The following LRCH2 variants were observed in gnomAD, a reference collection of about 807,000 sequenced individuals.
LRCH2 encodes the protein leucine-rich repeat and calponin homology domain-containing protein 2.
LRCH2 carries 38 observed loss-of-function variants against 68.9 expected under a neutral mutation model. That is an observed-to-expected ratio of 0.55 (90% confidence interval 0.43 to 0.72). The LOEUF is 0.72. Ranked by LOEUF, LRCH2 falls within the 30% of genes least tolerant of loss-of-function variation. The probability of loss-of-function intolerance (pLI) is 0.00; values close to 1 mark genes in which losing one functional copy is unlikely to be tolerated. For synonymous variants in LRCH2, 191 were observed against 208.1 expected, an observed-to-expected ratio of 0.92 and a Z score of 0.71; for missense variants, 528 against 572.9, an observed-to-expected ratio of 0.92 and a Z score of 0.80.
At chrX:115,126,917 G>A in intron 15 of LRCH2, 24 bp from the exon 16 acceptor site, 4 of 915,670 alleles carry the variant, frequency 4.4e-6, no homozygotes, top group East Asian at 3.8e-5. Flanking sequence ...ATAAAAAGAT[G>A]GAAGATGAAA....
chrX:115,133,660 G>A (rs1399050392), intron 14 of LRCH2, among the ~76,000 whole-genome samples: 2 of 111,106 alleles, frequency 1.8e-5, no homozygotes, highest in Non-Finnish European at 3.8e-5. Flanking sequence ...CTGTGATATT[G>A]ATCTTTGATG....
At chrX:115,153,950 A>G (rs1483668700) in intron 12 of LRCH2, among the ~76,000 whole-genome samples, 1 of 111,905 alleles carries the variant, frequency 8.9e-6, no homozygotes, top group East Asian at 2.8e-4. Context: ...TGCAATTAGA[A>G]CGTAGATTGT....
rs782373304 is a variant in LRCH2, at chrX:115,195,717, C to A, written c.350-7347G>T. 4.5e-5 allele frequency among the ~76,000 whole-genome samples: 5 copies of A among 111,588 alleles called. No individual in the cohort carries two copies. In the South Asian group the frequency reaches 1.9e-3, roughly 43 times the overall value. ...TGTCGTGGTCAAGACCGGCTGGGAACTGGCAATGAATCCCTAAGAGAGAGT... is the reference window on the plus strand; with the variant it reads ...TGTCGTGGTCAAGACCGGCTGGGAAATGGCAATGAATCCCTAAGAGAGAGT... On this transcript the variant is annotated intron_variant, in intron 1 of 20. Coordinates refer to ENST00000317135, the MANE Select transcript of LRCH2 (RefSeq NM_020871.4).
At chrX:115,207,481 G>T (rs2072977123) in intron 1 of LRCH2, among the ~76,000 whole-genome samples, 1 of 111,892 alleles carries the variant, frequency 8.9e-6, no homozygotes, top group African/African-American at 3.3e-5. Context: ...TGAGGCTGCA[G>T]TGAGCCATGA....
At chrX:115,143,598 G>T (rs782479845) in intron 14 of LRCH2, among the ~76,000 whole-genome samples, 1 of 111,341 alleles carries the variant, frequency 9.0e-6, no homozygotes, top group Non-Finnish European at 1.9e-5. Context: ...TCAAAAAATT[G>T]AAGAGGAGGG....
intron 14 of LRCH2, among the ~76,000 whole-genome samples, chrX:115,143,434 G>T (rs1287131515): frequency 9.0e-6 from 1 of 111,313 alleles, no homozygotes; most frequent in Non-Finnish European, 1.9e-5. Context: ...GGATCATGAA[G>T]AAATCCAAAA....
chrX:115,119,148 A>C (rs2147341781), intron 20 of LRCH2, among the ~76,000 whole-genome samples: 1 of 110,292 alleles, frequency 9.1e-6, no homozygotes, highest in Non-Finnish European at 1.9e-5. Flanking sequence ...TATTCAACAT[A>C]GTGTTGGAAG....
intron 1 of LRCH2, among the ~76,000 whole-genome samples, chrX:115,223,454 T>TAAAA (rs35094815): frequency 1.9e-5 from 2 of 107,004 alleles, no homozygotes; most frequent in African/African-American, 6.8e-5. Flanking sequence ...ATTTTTTTTT[T>TAAAA]AAAAAAACCT....
At position 115,123,084 on chromosome X, in the gene LRCH2, C is replaced by A; in HGVS notation, c.1958G>T (p.Arg653Leu). Residue 653 changes from arginine to leucine, a missense_variant, in exon 18 of 21, where the codon CGC becomes CTC. Coordinates refer to ENST00000317135, the MANE Select transcript of LRCH2 (RefSeq NM_020871.4). ...TGAAAGAGCAATCTGACTTACGTTG[C>A]GAAGTTGTCGTATTTGCTCTCGCTC... ...REEREQIRQL[R>L]NNLESRLKVI... 8.3e-7 allele frequency: 1 copy of A among 1,205,475 alleles called. No homozygotes were observed. The highest frequency in any genetic ancestry group is 1.7e-5 in the African/African-American group (1 of 57,630).
At chrX:115,146,693 C>T (rs782481380) in intron 14 of LRCH2, among the ~76,000 whole-genome samples, 5 of 110,018 alleles carry the variant, frequency 4.5e-5, no homozygotes, top group Non-Finnish European at 9.5e-5. Flanking sequence ...ATAATCTATA[C>T]GATAGCGGCC....
chrX:115,198,169 C>T (rs1432232102), intron 1 of LRCH2, among the ~76,000 whole-genome samples: 1 of 107,716 alleles, frequency 9.3e-6, no homozygotes, highest in African/African-American at 3.4e-5. Context: ...ATAAAATGAC[C>T]AAACTTACAA....
At chrX:115,129,379 C>T (rs1414315815) in intron 15 of LRCH2, among the ~76,000 whole-genome samples, 1 of 111,132 alleles carries the variant, frequency 9.0e-6, no homozygotes, top group Non-Finnish European at 1.9e-5. Context: ...CCAAGCATAC[C>T]CATACAAAAC....
intron 1 of LRCH2, among the ~76,000 whole-genome samples, chrX:115,228,416 T>C (rs1176255247): frequency 9.0e-6 from 1 of 111,317 alleles, no homozygotes; most frequent in Non-Finnish European, 1.9e-5. Context: ...CTCTGCAGAA[T>C]GGGGAGGTGT....
In LRCH2 at chrX:115,170,323, A is replaced by T. The variant is rs1369848366; in HGVS notation, c.974T>A (p.Met325Lys). The T allele has an allele frequency of 3.4e-6, 4 of 1,178,825 alleles. No homozygotes were observed. The African/African-American group carries it at 7.1e-5, about 21-fold the overall frequency. ...SLDLPSLSKR[M>K]PSQPLTDSME... ...CCTGTCTGTGAGAGGCTGTGAGGGC[A>T]TTCGTTTACTCAATGATGGAAGATC... Residue 325 changes from methionine to lysine, a missense_variant, in exon 6 of 21, where the codon ATG becomes AAG. Physicochemically the swap from Met to Lys is moderately conservative, Grantham distance 95. Transcript: ENST00000317135.
chrX:115,138,152 A>G (rs1310503114), intron 14 of LRCH2, among the ~76,000 whole-genome samples: 4 of 102,582 alleles, frequency 3.9e-5, no homozygotes, highest in Non-Finnish European at 7.9e-5. Flanking sequence ...AATAGAAACT[A>G]GAATTCCCCG....
At chrX:115,184,307 ACT>A in intron 3 of LRCH2, 102 bp downstream of exon 3, 1 of 652,610 alleles carries the variant, frequency 1.5e-6, no homozygotes, top group Non-Finnish European at 2.1e-6. Context: ...CCAAGTTAGT[ACT>A]TTTTTTAAAA....
At chrX:115,193,155 A>C (rs906081009) in intron 1 of LRCH2, among the ~76,000 whole-genome samples, 10 of 111,731 alleles carry the variant, frequency 9.0e-5, no homozygotes, top group Middle Eastern at 4.6e-3. Context: ...ACAACAACAA[A>C]AATGATTTAG....
chrX:115,117,892 T>C (rs1603016460), intron 20 of LRCH2, among the ~76,000 whole-genome samples: 1 of 110,694 alleles, frequency 9.0e-6, no homozygotes, highest in African/African-American at 3.3e-5. Context: ...TCAAAATTGA[T>C]CAAATTGTAC....
At chrX:115,210,039 A>G (rs1556569490) in intron 1 of LRCH2, among the ~76,000 whole-genome samples, 1 of 111,990 alleles carries the variant, frequency 8.9e-6, no homozygotes, top group East Asian at 2.8e-4. Context: ...AAAGGGAAAC[A>G]GCATAAAAGT....
Sources: allele counts gnomAD v4.1 joint callset (sites outside exome capture counted in the v4.1 genomes callset), GRCh38; gene constraint gnomAD v4.1.1; transcripts MANE v1.5; gene names NCBI Gene and HGNC (gene_info 2026-07-23, HGNC 2026-07-21).